MYOM3: variants seen among roughly 807,000 people sequenced by gnomAD.
MYOM3 encodes the protein myomesin 3, also known as myomesin-3.
Under a neutral mutation model 191.7 loss-of-function variants are expected in MYOM3, and 155 were observed. The observed-to-expected ratio is 0.81, with a 90% CI of 0.71 to 0.92. The LOEUF is 0.92. Among genes scored for constraint, MYOM3 ranks in the 40% least tolerant of loss-of-function variants. The pLI is 0.00. For missense variants in MYOM3, 1,889 were observed against 1,890.6 expected, an observed-to-expected ratio of 1.00 and a Z score of 0.02; for synonymous variants, 757 against 762.9, an observed-to-expected ratio of 0.99 and a Z score of 0.13.
In MYOM3 at chr1:24,075,201, C is replaced by T. The variant is rs1483502016; in HGVS notation, c.2858+118G>A. 3.8e-5 allele frequency: 37 copies of T among 967,948 alleles called. No individual in the cohort carries two copies. The Admixed American group carries it at 4.7e-4, about 12-fold the overall frequency. The allele number at this position is 967,948 out of a possible 1,614,324, so 60.0% of individuals were successfully genotyped here. ...GCGTCCTCAGTGAAAGACTGAGCAG[C>T]GCCTTTCAACCATCATGGATGGGTC... On this transcript the variant is annotated intron_variant, in intron 22 of 36. Coordinates refer to ENST00000374434, the MANE Select transcript of MYOM3 (RefSeq NM_152372.4).
intron 14 of MYOM3, among the ~76,000 whole-genome samples, chr1:24,088,551 C>A (rs969868646): frequency 2.0e-5 from 3 of 152,184 alleles, no homozygotes; most frequent in African/African-American, 7.2e-5. Context: ...TGATACACTA[C>A]CACCTTGTGA....
intron 22 of MYOM3, among the ~76,000 whole-genome samples, 178 bp from the exon 23 acceptor site, chr1:24,074,447 T>G (rs1474843266): frequency 6.6e-6 from 1 of 152,216 alleles, no homozygotes; most frequent in Non-Finnish European, 1.5e-5. Context: ...CCCTCTGGCC[T>G]GACACCTTCA....
In MYOM3 at chr1:24,105,886, A is replaced by T. The variant is rs890664834; in HGVS notation, c.560+34T>A. ...GTGAGGAACTCACTTGTGACCCCAG[A>T]GGCCCAGAACCCCTTCCTGCCCCAG... On this transcript the variant is annotated intron_variant, in intron 5 of 36. Coordinates refer to ENST00000374434, the MANE Select transcript of MYOM3 (RefSeq NM_152372.4). 9 of 1,565,180 alleles carry T rather than the reference A, an allele frequency of 5.8e-6. No homozygotes were observed. In the African/African-American group the frequency reaches 1.1e-4, roughly 19 times the overall value.
At chr1:24,076,016 C>A (rs924481938) in intron 21 of MYOM3, 143 bp downstream of exon 21, 2 of 627,488 alleles carry the variant, frequency 3.2e-6, no homozygotes, top group East Asian at 2.8e-5. Flanking sequence ...GGATGATGAC[C>A]CCTCCCTCAG....
At chr1:24,069,637 T>A (rs944910625) in intron 25 of MYOM3, among the ~76,000 whole-genome samples, 1 of 146,704 alleles carries the variant, frequency 6.8e-6, no homozygotes, top group Non-Finnish European at 1.5e-5. Context: ...TGAGACAGAG[T>A]CTCACTTTAT....
At chr1:24,067,200 A>C in intron 27 of MYOM3, 112 bp from the exon 28 acceptor site, 1 of 1,023,156 alleles carries the variant, frequency 9.8e-7, no homozygotes, top group Non-Finnish European at 1.4e-6. Flanking sequence ...TGGACTTCTC[A>C]GATGCTGCCT....
rs922304360 is a variant in MYOM3, at chr1:24,065,994, T to G, written c.3431A>C (p.Asn1144Thr). 1 of 1,611,386 alleles carries G rather than the reference T, an allele frequency of 6.2e-7. No homozygotes were observed. The highest frequency in any genetic ancestry group is 8.5e-7 in the Non-Finnish European group (1 of 1,177,462). The change falls in exon 29 of 37, where the codon AAC becomes ACC. Residue 1144 changes from asparagine (N) to threonine (T), a missense_variant. Transcript: ENST00000374434. Reference sequence around the variant, plus strand: ...CTGAAAGCGAGTCTCCTTCTTGGTGTTGGTCACCTGGGGAAGGTGGGGAAT... The same window carrying G: ...CTGAAAGCGAGTCTCCTTCTTGGTGGTGGTCACCTGGGGAAGGTGGGGAAT... The part of the protein sequence containing the change: ...CQVQLTCKVT[N>T]TKKETRFQWF...
chr1:24,064,343 G>A (rs80187093), intron 29 of MYOM3, 184 bp from the exon 30 acceptor site: 375 of 555,710 alleles, frequency 6.7e-4, no homozygotes, highest in African/African-American at 6.2e-3. Flanking sequence ...GCTCCTTTCA[G>A]CTCCAGAGCC....
rs1265770850 is a variant in MYOM3 at position 24,095,379 on chromosome 1, G to T, written c.790+63C>A. On this transcript the variant is annotated intron_variant, in intron 8 of 36. Coordinates refer to ENST00000374434, the MANE Select transcript of MYOM3 (RefSeq NM_152372.4). Reference sequence around the variant, plus strand: ...TGGCTATATTCTAAACAGGGACTGTGGGGGTCGGGGAGCAAAGCCTGAACA... The same window carrying T: ...TGGCTATATTCTAAACAGGGACTGTTGGGGTCGGGGAGCAAAGCCTGAACA... The T allele has an allele frequency of 8.1e-6, 12 of 1,483,110 alleles. No individual in the cohort carries two copies. In the Admixed American group the frequency reaches 2.1e-4, roughly 26 times the overall value. 91.9% of individuals were successfully genotyped at this position (1,483,110 alleles called of 1,614,324 possible). A position where few individuals can be genotyped will look rare whatever the true frequency, so the allele number is the denominator to read the frequency against.
chr1:24,105,040 C>T (rs1485804876), intron 5 of MYOM3, among the ~76,000 whole-genome samples: 1 of 152,196 alleles, frequency 6.6e-6, no homozygotes, highest in Non-Finnish European at 1.5e-5. Context: ...CGCGGCCATG[C>T]CTACTCCAAT....
chr1:24,068,612 G>A (rs1643484633), intron 25 of MYOM3, among the ~76,000 whole-genome samples: 1 of 152,118 alleles, frequency 6.6e-6, no homozygotes, highest in African/African-American at 2.4e-5. Context: ...AGGCTGGGGT[G>A]CAGTGGAGCG....
Position 24,094,985 on chromosome 1 carries a change from T to C in MYOM3, c.796A>G (p.Thr266Ala). 6.2e-7 allele frequency: 1 copy of C among 1,613,042 alleles called. No individual in the cohort carries two copies. The highest frequency in any genetic ancestry group is 1.7e-4 in the Middle Eastern group (1 of 6,050). Residue 266 changes from threonine (T) to alanine (A), a missense_variant, in exon 9 of 37, where the codon ACG (threonine) becomes GCG (alanine). Thr to Ala is a moderately conservative substitution (Grantham distance 58). Coordinates refer to ENST00000374434, the MANE Select transcript of MYOM3 (RefSeq NM_152372.4). ...GTGAATTCCACGCTGGGGCCAAACG[T>C]CGATCCTGGCGTGGGAATGAAATTT... ...GFDSEIFKRSTFGPSVEFTSV... is the reference protein window; with the variant it reads ...GFDSEIFKRSAFGPSVEFTSV...
At chr1:24,089,414 G>A (rs1323548139) in intron 14 of MYOM3, 124 bp downstream of exon 14, 1 of 1,281,116 alleles carries the variant, frequency 7.8e-7, no homozygotes, top group East Asian at 2.7e-5. Context: ...GGCCATGCCT[G>A]GGCCCTTCTG....
intron 14 of MYOM3, among the ~76,000 whole-genome samples, chr1:24,088,367 C>A (rs538362103): frequency 6.6e-6 from 1 of 152,200 alleles, no homozygotes; most frequent in East Asian, 1.9e-4. Context: ...TCTTTATGTG[C>A]GCTAATTAAT....
intron 8 of MYOM3, 115 bp downstream of exon 8, chr1:24,095,327 G>T (rs977271871): frequency 3.1e-5 from 32 of 1,041,328 alleles, no homozygotes; most frequent in Non-Finnish European, 4.6e-5. Context: ...GACAAACCCC[G>T]GTGGACGTCC....
intron 25 of MYOM3, among the ~76,000 whole-genome samples, chr1:24,069,841 C>T (rs961317793): frequency 3.3e-5 from 5 of 152,116 alleles, no homozygotes; most frequent in Non-Finnish European, 7.3e-5. Context: ...GAACTCCTGA[C>T]CTCAGGTGAT....
At chr1:24,060,413 G>A (rs1424451120) in intron 35 of MYOM3, among the ~76,000 whole-genome samples, 3 of 152,172 alleles carry the variant, frequency 2.0e-5, no homozygotes, top group African/African-American at 7.2e-5. Flanking sequence ...TCAAGCTGGC[G>A]GTGTGAGTTT....
Position 24,087,024 on chromosome 1 carries a change from C to T in MYOM3, c.1615-197G>A, listed in dbSNP as rs1050339019. Among the ~76,000 whole-genome samples, 1 of 152,188 alleles carries T rather than the reference C, an allele frequency of 6.6e-6. No individual in the cohort carries two copies. Among genetic ancestry groups the T allele is most frequent in the African/African-American group, 2.4e-5 (1 of 41,450 alleles). On this transcript the variant is annotated intron_variant, in intron 14 of 36. Coordinates refer to ENST00000374434, the MANE Select transcript of MYOM3 (RefSeq NM_152372.4). The surrounding 1 kb of genome is among the most constrained non-coding windows in gnomAD (Gnocchi z 4.5). ...CCGGATTCCTACCGAGACCTCACGT[C>T]CAGCCTGTCCACAACGCGGCTCCAG...
Position 24,108,029 on chromosome 1 carries a change from G to A in MYOM3, c.206C>T (p.Ala69Val). The A allele has an allele frequency of 6.2e-7, 1 of 1,613,794 alleles. No homozygotes were observed. Among genetic ancestry groups the A allele is most frequent in the Non-Finnish European group, 8.5e-7 (1 of 1,179,862 alleles). The change falls in exon 3 of 37, where the codon GCA (alanine) becomes GTA (valine). Residue 69 changes from alanine (A) to valine (V), a missense_variant. Ala to Val is a moderately conservative substitution (Grantham distance 64). Transcript: ENST00000374434. ...GGAGGAGGCCGTCAGAGCCAGGGCT[G>A]CTGCCAGGGCGTAGTCCGCGGCGCT... Reference protein sequence around the residue: ...EFSAADYALAAALALTASSEL... With the variant: ...EFSAADYALAVALALTASSEL...
Sources: allele counts gnomAD v4.1 joint callset (sites outside exome capture counted in the v4.1 genomes callset), GRCh38; gene constraint gnomAD v4.1.1; non-coding constraint Gnocchi (gnomAD v3.1); transcripts MANE v1.5; gene names NCBI Gene and HGNC (gene_info 2026-07-23, HGNC 2026-07-21).